Variants in ARHGAP35 observed in about 807,000 individuals in gnomAD.
ARHGAP35 encodes Rho GTPase activating protein 35.
Under a neutral mutation model 111.1 loss-of-function variants are expected in ARHGAP35, and 15 were observed. The ratio of observed to expected loss-of-function variants is 0.13; its 90% CI spans 0.09 to 0.21. The LOEUF (loss-of-function observed/expected upper bound fraction) is 0.21. ARHGAP35 is among the 10% of genes least tolerant of loss of function. ARHGAP35 has a pLI of 1.00. For missense variants in ARHGAP35, 1,262 were observed against 1,873.0 expected, an observed-to-expected ratio of 0.67 and a Z score of 6.02; for synonymous variants, 643 against 710.3, an observed-to-expected ratio of 0.91 and a Z score of 1.51.
At chr19:46,865,779 G>T (rs546137974) in intron 1 of ARHGAP35, among the ~76,000 whole-genome samples, 1 of 152,226 alleles carries the variant, frequency 6.6e-6, no homozygotes, top group East Asian at 1.9e-4. Context: ...GTCTTCCTGT[G>T]ATCTGCTGTG....
chr19:46,917,924 G>C (rs2056173165), intron 1 of ARHGAP35, among the ~76,000 whole-genome samples: 3 of 152,184 alleles, frequency 2.0e-5, no homozygotes, highest in African/African-American at 7.2e-5. Flanking sequence ...ATGTTGGCCA[G>C]ACTGGTCTTG....
chr19:46,966,825 G>GA (rs1385059250), intron 3 of ARHGAP35, among the ~76,000 whole-genome samples: 1 of 152,210 alleles, frequency 6.6e-6, no homozygotes. Flanking sequence ...ACATCAAAGA[G>GA]AAAATTAATA....
At chr19:46,949,185 A>G (rs150445240) in intron 3 of ARHGAP35, 5 of 152,296 alleles carry the variant, frequency 3.3e-5, no homozygotes, top group Admixed American at 2.6e-4. Context: ...ATCAGATGGT[A>G]TACTTTAAAT....
chr19:46,889,682 C>T (rs755249383), intron 1 of ARHGAP35, among the ~76,000 whole-genome samples: 3 of 134,216 alleles, frequency 2.2e-5, no homozygotes, highest in Non-Finnish European at 3.1e-5. Context: ...AGAGGCCATT[C>T]GGAGCTTGCA....
In ARHGAP35 at chr19:46,971,299, G is replaced by A. The variant is rs187190103; in HGVS notation, c.3827-16690G>A. Reference sequence around the variant, plus strand: ...CGTGCGTCTGTAGTCCCAGCTACTCGGGAGGTGGAGGCAGGAGAATCGCTT... The same window carrying A: ...CGTGCGTCTGTAGTCCCAGCTACTCAGGAGGTGGAGGCAGGAGAATCGCTT... On this transcript the variant is annotated intron_variant, in intron 3 of 6. Coordinates refer to ENST00000672722, the MANE Select transcript of ARHGAP35 (RefSeq NM_004491.5). Among the ~76,000 whole-genome samples, 701 of 151,848 alleles carry A rather than the reference G, an allele frequency of 4.6e-3. 5 individuals are homozygous for A. The highest frequency in any genetic ancestry group is 7.2e-3 in the Non-Finnish European group (486 of 67,944).
intron 3 of ARHGAP35, among the ~76,000 whole-genome samples, chr19:46,938,987 G>T (rs935103775): frequency 3.3e-5 from 5 of 152,110 alleles, no homozygotes; most frequent in African/African-American, 1.2e-4. Context: ...GCCCACCAAA[G>T]ACTTTGTATT....
rs548674397 is a variant in ARHGAP35, at chr19:46,917,872, C to T, written c.-188-616C>T. ...GGGATTACAGGCACATGTCACCACA[C>T]CCAGCTAATTTTTGTATTTTTAGTA... On this transcript the variant is annotated intron_variant, in intron 1 of 6. Coordinates refer to ENST00000672722, the MANE Select transcript of ARHGAP35 (RefSeq NM_004491.5). Among the ~76,000 whole-genome samples the T allele has an allele frequency of 4.6e-5, 7 of 152,152 alleles. No individual in the cohort carries two copies. In the East Asian group the frequency reaches 1.4e-3, roughly 30 times the overall value.
At chr19:46,930,465 GAAAAAAA>G (rs34807261) in intron 2 of ARHGAP35, among the ~76,000 whole-genome samples, 1 of 93,374 alleles carries the variant, frequency 1.1e-5, no homozygotes, top group Non-Finnish European at 2.3e-5. Flanking sequence ...CAGGCACTTT[GAAAAAAA>G]AAAAAAAAGA....
intron 3 of ARHGAP35, among the ~76,000 whole-genome samples, chr19:46,967,024 A>G (rs2056518943): frequency 6.6e-6 from 1 of 152,106 alleles, no homozygotes; most frequent in South Asian, 2.1e-4. Flanking sequence ...TGTAGAGGTG[A>G]GAGGCCGTGC....
intron 3 of ARHGAP35, among the ~76,000 whole-genome samples, chr19:46,971,789 C>G (rs2056551417): frequency 6.6e-6 from 1 of 152,052 alleles, no homozygotes; most frequent in Admixed American, 6.6e-5. Flanking sequence ...TGAGCCACCG[C>G]ACCTGGCCGG....
At chr19:46,929,969 C>G (rs776680360) in intron 2 of ARHGAP35, among the ~76,000 whole-genome samples, 3 of 151,510 alleles carry the variant, frequency 2.0e-5, no homozygotes, top group Non-Finnish European at 4.4e-5. Flanking sequence ...CACTATGTTT[C>G]TAGGCTGGTC....
intron 1 of ARHGAP35, among the ~76,000 whole-genome samples, chr19:46,899,170 AGAAGG>A (rs1338758726): frequency 3.9e-5 from 6 of 152,192 alleles, no homozygotes; most frequent in African/African-American, 1.4e-4. Flanking sequence ...AGATGGGCAG[AGAAGG>A]CATTATTTTA....
At chr19:46,896,824 T>A (rs964369863) in intron 1 of ARHGAP35, among the ~76,000 whole-genome samples, 4 of 152,182 alleles carry the variant, frequency 2.6e-5, no homozygotes, top group African/African-American at 4.8e-5. Context: ...TTTCCTATGG[T>A]AAGGTTTTTA....
chr19:46,916,449 G>T (rs2056164411), intron 1 of ARHGAP35, among the ~76,000 whole-genome samples: 1 of 151,638 alleles, frequency 6.6e-6, no homozygotes, highest in African/African-American at 2.4e-5. Flanking sequence ...CCTACAGAAA[G>T]GCTTTCCCGA....
chr19:46,892,581 A>G (rs2056030910), intron 1 of ARHGAP35, among the ~76,000 whole-genome samples: 1 of 151,378 alleles, frequency 6.6e-6, no homozygotes, highest in African/African-American at 2.4e-5. Flanking sequence ...ACTGAGAGCA[A>G]TTTTCTAAAG....
intron 1 of ARHGAP35, among the ~76,000 whole-genome samples, chr19:46,897,695 CAAAA>C: frequency 7.5e-6 from 1 of 133,718 alleles, no homozygotes; most frequent in African/African-American, 2.8e-5. Context: ...GATCTTTAAC[CAAAA>C]AAAAAAAAAA....
chr19:46,884,696 C>A (rs2055984279), intron 1 of ARHGAP35, among the ~76,000 whole-genome samples: 1 of 151,566 alleles, frequency 6.6e-6, no homozygotes, highest in Non-Finnish European at 1.5e-5. Context: ...CATGTTGCCC[C>A]AGCTGGTCTT....
At chr19:46,995,270 C>A (rs2056701373) in intron 5 of ARHGAP35, among the ~76,000 whole-genome samples, 1 of 152,128 alleles carries the variant, frequency 6.6e-6, no homozygotes, top group African/African-American at 2.4e-5. Flanking sequence ...CAAAAATTAG[C>A]TGGGCCTGTA....
intron 5 of ARHGAP35, among the ~76,000 whole-genome samples, chr19:46,998,768 T>G (rs1461305125): frequency 6.6e-6 from 1 of 152,204 alleles, no homozygotes; most frequent in Middle Eastern, 3.2e-3. Context: ...TTTGGTGAAG[T>G]GCATAAGAAT....
Sources: gnomAD v4.1 joint callset for allele counts (sites outside exome capture counted in the v4.1 genomes callset) on GRCh38, gnomAD v4.1.1 for gene constraint, MANE v1.5 for transcripts, NCBI Gene and HGNC (gene_info 2026-07-23, HGNC 2026-07-21) for gene names.